ZFYVE9: variants seen among roughly 807,000 people sequenced by gnomAD.
ZFYVE9 encodes the protein zinc finger FYVE-type containing 9.
A neutral mutation model predicts 126.7 loss-of-function variants in ZFYVE9; 43 were observed. The ratio of observed to expected loss-of-function variants is 0.34; its 90% confidence interval spans 0.27 to 0.44. The LOEUF is 0.44. Among genes scored for constraint, ZFYVE9 ranks in the 20% least tolerant of loss-of-function variants. ZFYVE9 has a pLI of 1.00. For synonymous variants in ZFYVE9, 521 were observed against 597.4 expected (o/e 0.87, Z 1.87); for missense variants, 1,476 against 1,697.0 (o/e 0.87, Z 2.29).
In ZFYVE9 at chr1:52,303,940, G is replaced by A. The variant is rs1356391016; in HGVS notation, c.3438+15G>A. The A allele has an allele frequency of 5.8e-6, 9 of 1,557,606 alleles. No homozygotes were observed. Among genetic ancestry groups the A allele is most frequent in the East Asian group, 2.3e-5 (1 of 42,622 alleles). On this transcript the variant is annotated intron_variant, in intron 13 of 18. Coordinates refer to ENST00000287727, the MANE Select transcript of ZFYVE9 (RefSeq NM_004799.4). ...GATACAATGAGGTAAGATTTACCAT[G>A]AAGGCGTATTTTTCATAGTTGAAAA...
intron 1 of ZFYVE9, among the ~76,000 whole-genome samples, chr1:52,167,131 GC>G (rs1432917427): frequency 6.6e-6 from 1 of 152,170 alleles, no homozygotes; most frequent in Non-Finnish European, 1.5e-5. Flanking sequence ...TAAGAACTCT[GC>G]CATTGTCAGG....
chr1:52,315,730 G>A (rs1196356964), intron 13 of ZFYVE9, among the ~76,000 whole-genome samples: 1 of 151,992 alleles, frequency 6.6e-6, no homozygotes, highest in Non-Finnish European at 1.5e-5. Flanking sequence ...TAAATAGCAA[G>A]ATAGTAAATT....
chr1:52,168,835 C>G (rs572896399), intron 1 of ZFYVE9, among the ~76,000 whole-genome samples: 2 of 152,168 alleles, frequency 1.3e-5, no homozygotes, highest in Non-Finnish European at 2.9e-5. Context: ...TCTTTAAAAG[C>G]AAATTCTAGA....
chr1:52,255,935 TTTCTTTTCTTTTC>T (rs1557484028), intron 4 of ZFYVE9, among the ~76,000 whole-genome samples: 1 of 124,884 alleles, frequency 8.0e-6, no homozygotes, highest in Non-Finnish European at 1.6e-5. Flanking sequence ...TTTCTTTTCT[TTTCTTTTCTTTTC>T]TTTTCTTTTC....
chr1:52,285,543 C>T (rs1645850155), intron 10 of ZFYVE9, among the ~76,000 whole-genome samples: 1 of 152,114 alleles, frequency 6.6e-6, no homozygotes, highest in African/African-American at 2.4e-5. Context: ...CTGTTGTGAA[C>T]TGCGCGTGTG....
At chr1:52,188,759 A>G (rs962946581) in intron 1 of ZFYVE9, among the ~76,000 whole-genome samples, 32 of 151,904 alleles carry the variant, frequency 2.1e-4, no homozygotes, top group African/African-American at 6.5e-4. Flanking sequence ...GAATTACAGT[A>G]TTTCTAGTTT....
At chr1:52,175,227 T>C (rs1016029350) in intron 1 of ZFYVE9, among the ~76,000 whole-genome samples, 9 of 150,024 alleles carry the variant, frequency 6.0e-5, no homozygotes, top group Non-Finnish European at 1.3e-4. Context: ...CAGCATTTGC[T>C]TGTCTGTAAA....
chr1:52,345,294 C>A (rs1646473759), intron 18 of ZFYVE9, among the ~76,000 whole-genome samples: 1 of 152,146 alleles, frequency 6.6e-6, no homozygotes, highest in South Asian at 2.1e-4. Context: ...AGCTCCGAGT[C>A]ACTTGGAACT....
intron 1 of ZFYVE9, among the ~76,000 whole-genome samples, chr1:52,188,800 T>A (rs921444870): frequency 9.2e-5 from 14 of 152,144 alleles, no homozygotes; most frequent in South Asian, 4.1e-4. Context: ...GCTTTTTTTT[T>A]ATGTTTTTAA....
At chr1:52,267,608 G>A (rs2147801681) in intron 6 of ZFYVE9, among the ~76,000 whole-genome samples, 1 of 151,998 alleles carries the variant, frequency 6.6e-6, no homozygotes, top group African/African-American at 2.4e-5. Context: ...TCCTTTTGAA[G>A]ATCATAGACT....
chr1:52,234,322 G>A (rs1261001303), intron 3 of ZFYVE9, among the ~76,000 whole-genome samples: 1 of 152,078 alleles, frequency 6.6e-6, no homozygotes, highest in Non-Finnish European at 1.5e-5. Flanking sequence ...AATTAGCCAG[G>A]CCTGGTGGCA....
intron 1 of ZFYVE9, among the ~76,000 whole-genome samples, chr1:52,199,605 C>T (rs1030694636): frequency 6.6e-6 from 1 of 152,216 alleles, no homozygotes; most frequent in African/African-American, 2.4e-5. Context: ...TTAGTTGCTT[C>T]TAAGTTTGGC....
intron 4 of ZFYVE9, among the ~76,000 whole-genome samples, chr1:52,263,009 G>C (rs1013420780): frequency 9.3e-5 from 14 of 150,482 alleles, no homozygotes; most frequent in African/African-American, 3.5e-4. Flanking sequence ...CCAGGAGGTG[G>C]AGGTTGCAGC....
Position 52,337,871 on chromosome 1 carries a change from C to T in ZFYVE9, c.3770C>T (p.Ala1257Val), listed in dbSNP as rs775082321. 6.2e-6 allele frequency: 10 copies of T among 1,614,178 alleles called. No homozygotes were observed. Among genetic ancestry groups the T allele is most frequent in the Admixed American group, 3.3e-5 (2 of 60,020 alleles). Reference sequence around the variant, plus strand: ...ACCATCACCTGTGGGAAGGCGGACGCGGAGGAACCCCAGGAGCACATCCAC... The same window carrying T: ...ACCATCACCTGTGGGAAGGCGGACGTGGAGGAACCCCAGGAGCACATCCAC... The part of the protein sequence containing the change: ...DFTITCGKAD[A>V]EEPQEHIHIQ... Residue 1257 changes from alanine (A) to valine (V), a missense_variant, in exon 16 of 19, where the codon GCG becomes GTG. Around this residue, in one of 2 missense-constraint regions of ZFYVE9, gnomAD observed 669 missense variants for 902.4 expected, o/e 0.74. Coordinates refer to ENST00000287727, the MANE Select transcript of ZFYVE9 (RefSeq NM_004799.4).
rs760631378 is a variant in ZFYVE9 at position 52,340,130 on chromosome 1, G to C, written c.3838G>C (p.Val1280Leu). 1.2e-6 allele frequency: 2 copies of C among 1,612,044 alleles called. No individual in the cohort carries two copies. The highest frequency in any genetic ancestry group is 3.3e-5 in the Admixed American group (2 of 59,864). The stretch of plus-strand genomic sequence containing the variant: ...TTTCCTTTGCCTCTATTTTAGTGTC[G>C]TAAGTCCTATAGATGGGAAGTCCAT... ...DDDKNVSKGV[V>L]SPIDGKSMET... The change falls in exon 17 of 19, where the codon GTA becomes CTA. Residue 1280 changes from valine to leucine, a missense_variant. Around this residue, in one of 2 missense-constraint regions of ZFYVE9, gnomAD observed 669 missense variants for 902.4 expected, o/e 0.74. Coordinates refer to ENST00000287727, the MANE Select transcript of ZFYVE9 (RefSeq NM_004799.4).
intron 1 of ZFYVE9, among the ~76,000 whole-genome samples, chr1:52,207,292 A>C (rs908694883): frequency 1.3e-5 from 2 of 152,294 alleles, no homozygotes; most frequent in East Asian, 3.9e-4. Context: ...TGTTCTAGCG[A>C]TTTCAATGCC....
At chr1:52,255,727 T>C (rs577599146) in intron 4 of ZFYVE9, among the ~76,000 whole-genome samples, 2 of 152,198 alleles carry the variant, frequency 1.3e-5, no homozygotes, top group African/African-American at 4.8e-5. Context: ...ACTCCATCTT[T>C]ATTAAAAATA....
intron 1 of ZFYVE9, among the ~76,000 whole-genome samples, chr1:52,168,920 C>T (rs1227105385): frequency 2.0e-5 from 3 of 151,962 alleles, no homozygotes; most frequent in Non-Finnish European, 4.4e-5. Flanking sequence ...GGCAGTTGGC[C>T]GACCCTAATC....
chr1:52,269,764 C>T (rs1015277858), intron 7 of ZFYVE9, among the ~76,000 whole-genome samples: 3 of 151,876 alleles, frequency 2.0e-5, no homozygotes, highest in South Asian at 2.1e-4. Context: ...TCTTTATTCC[C>T]CCCAACTGTT....
Sources: gnomAD v4.1 joint callset for allele counts (sites outside exome capture counted in the v4.1 genomes callset) on GRCh38, gnomAD v4.1.1 for gene constraint, gnomAD v4.1.1 regional missense constraint, MANE v1.5 for transcripts, NCBI Gene and HGNC (gene_info 2026-07-23, HGNC 2026-07-21) for gene names.